CDH12: variants seen among roughly 807,000 people sequenced by gnomAD.
The protein encoded by CDH12 is cadherin 12, also known as cadherin-12.
Under a neutral mutation model 74.1 loss-of-function variants are expected in CDH12, and 41 were observed. The observed-to-expected ratio is 0.55, with a 90% CI of 0.43 to 0.72. The LOEUF is 0.72. CDH12 is among the 30% of genes least tolerant of loss of function. CDH12 has a pLI of 0.00. For synonymous variants in CDH12, 399 were observed against 355.0 expected (o/e 1.12, Z -1.39); for missense variants, 945 against 977.2 (o/e 0.97, Z 0.44).
intron 1 of CDH12, among the ~76,000 whole-genome samples, chr5:22,668,314 A>C (rs183546335): frequency 6.6e-6 from 1 of 152,336 alleles, no homozygotes; most frequent in East Asian, 1.9e-4. Flanking sequence ...AATAAGTAAC[A>C]AAAAAGCACA....
At chr5:22,783,826 G>A (rs886422691) in intron 1 of CDH12, among the ~76,000 whole-genome samples, 1 of 152,028 alleles carries the variant, frequency 6.6e-6, no homozygotes, top group African/African-American at 2.4e-5. Flanking sequence ...GGCTCAAAGC[G>A]TCATGGGAGT....
chr5:22,681,211 G>A (rs1490210411), intron 1 of CDH12, among the ~76,000 whole-genome samples: 1 of 147,134 alleles, frequency 6.8e-6, no homozygotes, highest in Non-Finnish European at 1.5e-5. Context: ...AAATCATTAA[G>A]CTCCTGGGTA....
chr5:22,145,189 G>A (rs1240737048), intron 4 of CDH12, among the ~76,000 whole-genome samples: 1 of 152,076 alleles, frequency 6.6e-6, no homozygotes, highest in African/African-American at 2.4e-5. Context: ...ACGGCCATTT[G>A]TGACAAAATC....
At chr5:22,177,829 G>C (rs1322573014) in intron 4 of CDH12, among the ~76,000 whole-genome samples, 1 of 152,112 alleles carries the variant, frequency 6.6e-6, no homozygotes, top group East Asian at 1.9e-4. Flanking sequence ...TAGCTTCAAC[G>C]ACTCTGTTGG....
chr5:21,927,427 T>A (rs200187701), intron 6 of CDH12, among the ~76,000 whole-genome samples: 11 of 148,848 alleles, frequency 7.4e-5, no homozygotes, highest in Non-Finnish European at 1.3e-4. Context: ...CTACTAAAAA[T>A]AAAAAAAAAA....
At chr5:22,366,982 G>T (rs1741061284) in intron 3 of CDH12, among the ~76,000 whole-genome samples, 1 of 151,922 alleles carries the variant, frequency 6.6e-6, no homozygotes, top group African/African-American at 2.4e-5. Flanking sequence ...ATAAGATTGT[G>T]GTTTTTAAAA....
At chr5:22,626,814 G>C (rs1035072585) in intron 1 of CDH12, among the ~76,000 whole-genome samples, 3 of 152,092 alleles carry the variant, frequency 2.0e-5, no homozygotes, top group African/African-American at 7.2e-5. Flanking sequence ...TGAGATTCAG[G>C]AGAAAGTTGA....
intron 1 of CDH12, among the ~76,000 whole-genome samples, chr5:22,777,262 C>T (rs7715585): frequency 0.19 from 28,752 of 152,074 alleles, 3,450 homozygotes; most frequent in African/African-American, 0.33. Flanking sequence ...TGGTGAGTGA[C>T]ACAAATCTTC....
chr5:22,342,476 A>T (rs1415169366), intron 3 of CDH12, among the ~76,000 whole-genome samples: 6 of 151,800 alleles, frequency 4.0e-5, no homozygotes, highest in Admixed American at 3.9e-4. Flanking sequence ...CTTACTGAGA[A>T]TTTATAAAAT....
chr5:22,395,741 C>G (rs1329262978), intron 3 of CDH12, among the ~76,000 whole-genome samples: 1 of 151,970 alleles, frequency 6.6e-6, no homozygotes, highest in Non-Finnish European at 1.5e-5. Context: ...GGAACATCGC[C>G]ACGTAGATGA....
intron 1 of CDH12, among the ~76,000 whole-genome samples, chr5:22,824,974 G>T (rs1359663976): frequency 6.6e-6 from 1 of 151,746 alleles, no homozygotes; most frequent in Non-Finnish European, 1.5e-5. Context: ...ATAATTTGTT[G>T]TGACATTAAT....
intron 3 of CDH12, among the ~76,000 whole-genome samples, chr5:22,281,834 A>G (rs78119609): frequency 6.6e-5 from 10 of 152,184 alleles, no homozygotes; most frequent in African/African-American, 2.4e-4. Flanking sequence ...ATTCCTGTGA[A>G]GCTATCATTG....
At chr5:22,740,581 T>C (rs1474764508) in intron 1 of CDH12, among the ~76,000 whole-genome samples, 5 of 152,108 alleles carry the variant, frequency 3.3e-5, no homozygotes, top group Non-Finnish European at 5.9e-5. Context: ...ATCTTCATTG[T>C]AAATATAAAA....
chr5:22,435,533 T>C (rs935743107), intron 2 of CDH12, among the ~76,000 whole-genome samples: 2 of 151,304 alleles, frequency 1.3e-5, no homozygotes, highest in African/African-American at 4.9e-5. Flanking sequence ...TGTATATACA[T>C]ATATACTATT....
chr5:22,683,414 A>C (rs72746695), intron 1 of CDH12, among the ~76,000 whole-genome samples: 60 of 152,242 alleles, frequency 3.9e-4, no homozygotes, highest in Admixed American at 1.4e-3. Context: ...AGTAACACAC[A>C]TGTAATCTAG....
At chr5:21,908,723 A>G (rs1227969066) in intron 6 of CDH12, among the ~76,000 whole-genome samples, 1 of 152,128 alleles carries the variant, frequency 6.6e-6, no homozygotes, top group Non-Finnish European at 1.5e-5. Flanking sequence ...AGGGCACAAA[A>G]GTGGGAAGGC....
intron 1 of CDH12, among the ~76,000 whole-genome samples, chr5:22,513,548 C>A (rs951893618): frequency 6.6e-5 from 10 of 152,146 alleles, no homozygotes; most frequent in African/African-American, 2.2e-4. Context: ...GTTATACAGA[C>A]CTTTGCAATG....
chr5:22,292,185 A>G (rs1580489356), intron 3 of CDH12, among the ~76,000 whole-genome samples: 4 of 152,144 alleles, frequency 2.6e-5, no homozygotes, highest in Admixed American at 6.5e-5. Flanking sequence ...CTCATACTGT[A>G]TGCAAAAGCC....
chr5:21,755,300 C>G (rs1284678265), intron 14 of CDH12, among the ~76,000 whole-genome samples: 1 of 152,064 alleles, frequency 6.6e-6, no homozygotes, highest in Non-Finnish European at 1.5e-5. Context: ...ACAAGGGTCA[C>G]AAACTATTAT....
Sources: allele counts gnomAD v4.1 joint callset (sites outside exome capture counted in the v4.1 genomes callset), GRCh38; gene constraint gnomAD v4.1.1; transcripts MANE v1.5; gene names NCBI Gene and HGNC (gene_info 2026-07-23, HGNC 2026-07-21).